The following GNB4 variants were observed in gnomAD, a reference collection of about 807,000 sequenced individuals.
GNB4 encodes guanine nucleotide-binding protein subunit beta-4.
Under a neutral mutation model 45.2 loss-of-function variants are expected in GNB4, and 28 were observed. The ratio of observed to expected loss-of-function variants is 0.62; its 90% CI spans 0.46 to 0.85. The LOEUF (loss-of-function observed/expected upper bound fraction) is 0.85. GNB4 is among the 40% of genes least tolerant of loss of function. The pLI is 0.00. For missense variants in GNB4, 321 were observed against 425.4 expected (o/e 0.75, Z 2.16); for synonymous variants, 132 against 143.7 (o/e 0.92, Z 0.58).
chr3:179,520,432 G>C, the GNB4 span, among the ~76,000 whole-genome samples: 1 of 151,752 alleles, frequency 6.6e-6, no homozygotes, highest in Admixed American at 6.6e-5. Flanking sequence ...ACAAGAGCTG[G>C]GACCGTGCCC....
At chr3:179,424,689 C>T (rs997625137) in intron 2 of GNB4, among the ~76,000 whole-genome samples, 22 of 152,164 alleles carry the variant, frequency 1.4e-4, no homozygotes, top group Admixed American at 4.6e-4. Context: ...ACTGCAGCCT[C>T]GAACTCCTGG....
At chr3:179,470,547 T>A in the GNB4 span, among the ~76,000 whole-genome samples, 27 of 149,930 alleles carry the variant, frequency 1.8e-4, no homozygotes, top group Middle Eastern at 3.2e-3. Context: ...GAAAAAAATA[T>A]ATATATATAA....
chr3:179,401,186 A>T lies in GNB4; in HGVS notation c.*27T>A. The T allele has an allele frequency of 6.8e-7, 1 of 1,471,854 alleles. No homozygotes were observed. Among genetic ancestry groups the T allele is most frequent in the Middle Eastern group, 1.7e-4 (1 of 5,768 alleles). 91.2% of individuals were successfully genotyped at this position (1,471,854 alleles called of 1,614,324 possible). On this transcript the variant is annotated 3_prime_UTR_variant, in exon 10 of 10. Coordinates refer to ENST00000232564, the MANE Select transcript of GNB4 (RefSeq NM_021629.4). The stretch of plus-strand genomic sequence containing the variant: ...TAGCATTGATTTCTCCAGATATATC[A>T]ATGGAGAACAAATATGTATGACACT...
intron 8 of GNB4, among the ~76,000 whole-genome samples, chr3:179,409,709 C>T (rs1714587840): frequency 6.6e-6 from 1 of 151,120 alleles, no homozygotes; most frequent in South Asian, 2.1e-4. Flanking sequence ...ACTTCGAAGG[C>T]TGAGGCAGGA....
intron 2 of GNB4, 124 bp downstream of exon 2, chr3:179,426,020 G>A: frequency 2.8e-6 from 2 of 714,760 alleles, no homozygotes; most frequent in East Asian, 2.9e-5. Context: ...TTCGCCATGT[G>A]AGAGAAAAAA....
At chr3:179,408,570 C>A (rs1181787128) in intron 8 of GNB4, among the ~76,000 whole-genome samples, 1 of 151,992 alleles carries the variant, frequency 6.6e-6, no homozygotes, top group Non-Finnish European at 1.5e-5. Context: ...GCAGACAGAT[C>A]ACCTGAGGTC....
upstream of GNB4, among the ~76,000 whole-genome samples, chr3:179,455,693 C>G (rs1295401076): frequency 6.6e-6 from 1 of 152,214 alleles, no homozygotes; most frequent in Non-Finnish European, 1.5e-5. Flanking sequence ...ATCTATTGCT[C>G]TATTCAAGTC....
chr3:179,489,046 A>ATATATATATATAT, the GNB4 span, among the ~76,000 whole-genome samples: 6 of 38,736 alleles, frequency 1.5e-4, no homozygotes, highest in Middle Eastern at 0.021. Flanking sequence ...ATATATATAT[A>ATATATATATATAT]ATATATATGT....
chr3:179,504,729 G>C, the GNB4 span, among the ~76,000 whole-genome samples: 2 of 152,168 alleles, frequency 1.3e-5, no homozygotes, highest in South Asian at 4.1e-4. Context: ...TCAGAATTCA[G>C]TGGTGGTAAA....
At chr3:179,493,138 A>T in the GNB4 span, among the ~76,000 whole-genome samples, 2 of 152,332 alleles carry the variant, frequency 1.3e-5, no homozygotes, top group Non-Finnish European at 2.9e-5. Context: ...AACTGTGCAC[A>T]CATCAATACA....
chr3:179,476,691 C>A, the GNB4 span, among the ~76,000 whole-genome samples: 1 of 152,182 alleles, frequency 6.6e-6, no homozygotes, highest in Non-Finnish European at 1.5e-5. Context: ...AAGCCATGTC[C>A]CTGCAGCTGT....
the GNB4 span, among the ~76,000 whole-genome samples, chr3:179,486,393 C>CA: frequency 5.9e-5 from 9 of 152,158 alleles, no homozygotes; most frequent in East Asian, 1.7e-3. Flanking sequence ...TTGCATTGTT[C>CA]TCCAGCTTAC....
chr3:179,416,791 A>G (rs557698208), intron 4 of GNB4, among the ~76,000 whole-genome samples: 232 of 152,352 alleles, frequency 1.5e-3, no homozygotes, highest in Non-Finnish European at 2.1e-3. Context: ...GCTATGATTA[A>G]ACATTTTTGT....
At chr3:179,515,383 G>A in the GNB4 span, among the ~76,000 whole-genome samples, 1 of 152,200 alleles carries the variant, frequency 6.6e-6, no homozygotes, top group Non-Finnish European at 1.5e-5. Context: ...CTGGGTGCAG[G>A]CAGGCTAAGT....
At chr3:179,410,478 G>C (rs552227476) in intron 8 of GNB4, 3 of 152,290 alleles carry the variant, frequency 2.0e-5, no homozygotes, top group Non-Finnish European at 4.4e-5. Context: ...TTGAAACCAA[G>C]ATATCTGAGG....
the GNB4 span, among the ~76,000 whole-genome samples, chr3:179,474,736 CCTTTTTTTTTTTTTTTTTTTTTTTTG>C: frequency 6.6e-5 from 3 of 45,232 alleles, no homozygotes; most frequent in Non-Finnish European, 1.3e-4. Flanking sequence ...CAGACTGGGT[CCTTTTTTTTTTTTTTTTTTTTTTTTG>C]CTTTTTTTAG....
intron 1 of GNB4, among the ~76,000 whole-genome samples, chr3:179,433,713 AAAC>A (rs934333252): frequency 3.3e-5 from 5 of 152,286 alleles, no homozygotes; most frequent in South Asian, 2.1e-4. Context: ...CCAAAAAAAA[AAAC>A]AAGTCACAGA....
At chr3:179,457,991 G>A in the GNB4 span, among the ~76,000 whole-genome samples, 5 of 150,094 alleles carry the variant, frequency 3.3e-5, no homozygotes, top group East Asian at 7.9e-4. Flanking sequence ...TGCAACCTCC[G>A]CCTCCCAGGT....
chr3:179,513,781 C>T, the GNB4 span, among the ~76,000 whole-genome samples: 2 of 151,976 alleles, frequency 1.3e-5, no homozygotes, highest in Non-Finnish European at 2.9e-5. Flanking sequence ...TTGCATTCAA[C>T]AGGAGTGGGG....
Sources: allele counts gnomAD v4.1 joint callset (sites outside exome capture counted in the v4.1 genomes callset), GRCh38; gene constraint gnomAD v4.1.1; transcripts MANE v1.5; gene names NCBI Gene and HGNC (gene_info 2026-07-23, HGNC 2026-07-21).